The following ADAM10 variants were observed in gnomAD, a reference collection of about 807,000 sequenced individuals.
The protein encoded by ADAM10 is ADAM metallopeptidase domain 10.
Under a neutral mutation model 90.1 loss-of-function variants are expected in ADAM10, and 17 were observed. The observed-to-expected ratio is 0.19, with a 90% confidence interval of 0.13 to 0.28. The LOEUF (loss-of-function observed/expected upper bound fraction) is 0.28. Among genes scored for constraint, ADAM10 ranks in the 10% least tolerant of loss-of-function variants. ADAM10 has a pLI of 1.00. For synonymous variants in ADAM10, 310 were observed against 298.6 expected (o/e 1.04, Z -0.40); for missense variants, 610 against 914.3 (o/e 0.67, Z 4.29).
chr15:58,699,982 C>T (rs536489280), intron 2 of ADAM10, among the ~76,000 whole-genome samples: 1 of 152,024 alleles, frequency 6.6e-6, no homozygotes, highest in Non-Finnish European at 1.5e-5. Context: ...TAAAGACACA[C>T]ACAGACTGAA....
intron 1 of ADAM10, among the ~76,000 whole-genome samples, chr15:58,719,901 G>A (rs545530878): frequency 5.9e-5 from 9 of 152,106 alleles, no homozygotes; most frequent in Non-Finnish European, 1.2e-4. Context: ...TAATATTAGA[G>A]AGCCTACCAA....
intron 4 of ADAM10, among the ~76,000 whole-genome samples, chr15:58,675,750 G>A (rs1183200834): frequency 1.3e-5 from 2 of 152,140 alleles, no homozygotes; most frequent in African/African-American, 4.8e-5. Context: ...ATTCCCCAAG[G>A]TTCTGGAGAA....
chr15:58,644,394 T>A lies in ADAM10; in HGVS notation c.736-416A>T, dbSNP rs533565477. Among the ~76,000 whole-genome samples the A allele has an allele frequency of 2.6e-5, 4 of 152,160 alleles. No individual in the cohort carries two copies. In the South Asian group the frequency reaches 8.3e-4, roughly 32 times the overall value. ...ACAGGCGCCTACCACCATGCCCAGCTAATTTTTGTATTTTTAGTAAAGACA... is the reference window on the plus strand; with the variant it reads ...ACAGGCGCCTACCACCATGCCCAGCAAATTTTTGTATTTTTAGTAAAGACA... On this transcript the variant is annotated intron_variant, in intron 6 of 15. Transcript: ENST00000260408.
At chr15:58,623,974 G>C (rs1206326692) in intron 10 of ADAM10, among the ~76,000 whole-genome samples, 4 of 138,498 alleles carry the variant, frequency 2.9e-5, no homozygotes, top group Non-Finnish European at 6.1e-5. Context: ...GGAACTTAAA[G>C]TGAAATTTAA....
chr15:58,592,769 A>ATG lies in ADAM10; in HGVS notation c.*4777_*4778insCA, dbSNP rs1157834706. ...TCTGATTTAATATATATATATATAT[A>ATG]TATTAAATCGTGGTAGTATAACTTG... On this transcript the variant is annotated 3_prime_UTR_variant, in exon 16 of 16. Transcript: ENST00000260408. 501 of 150,138 alleles carry ATG rather than the reference A, an allele frequency of 3.3e-3. 3 individuals are homozygous for ATG. Among genetic ancestry groups the ATG allele is most frequent in the African/African-American group, 0.012 (483 of 41,190 alleles). 9.3% of individuals were successfully genotyped at this position (150,138 alleles called of 1,614,324 possible).
At chr15:58,726,500 G>A (rs1595660079) in intron 1 of ADAM10, among the ~76,000 whole-genome samples, 1 of 138,426 alleles carries the variant, frequency 7.2e-6, no homozygotes, top group East Asian at 2.4e-4. Flanking sequence ...AGGAGGCAGA[G>A]GTTGCAGTGA....
intron 1 of ADAM10, among the ~76,000 whole-genome samples, chr15:58,743,819 T>C (rs539458958): frequency 6.6e-6 from 1 of 152,324 alleles, no homozygotes; most frequent in Admixed American, 6.5e-5. Flanking sequence ...TTGGGCAGGC[T>C]TGTCTCGAAC....
intron 2 of ADAM10, among the ~76,000 whole-genome samples, chr15:58,715,893 G>A (rs546682619): frequency 2.6e-4 from 40 of 152,176 alleles, no homozygotes; most frequent in African/African-American, 8.7e-4. Flanking sequence ...TTTCCTTTTG[G>A]CAGTCAAACC....
At chr15:58,745,327 A>G (rs1420451211) in intron 1 of ADAM10, among the ~76,000 whole-genome samples, 1 of 152,220 alleles carries the variant, frequency 6.6e-6, no homozygotes, top group East Asian at 1.9e-4. Context: ...TCAAAAGCAG[A>G]GTTTATGTTT....
intron 2 of ADAM10, chr15:58,691,673 CTTCTTT>C: frequency 1.2e-5 from 3 of 256,926 alleles, no homozygotes; most frequent in East Asian, 1.2e-4. Context: ...GCCACTTCTT[CTTCTTT>C]TTTTTTTTTT....
intron 3 of ADAM10, among the ~76,000 whole-genome samples, chr15:58,680,845 G>A (rs1897413335): frequency 6.6e-6 from 1 of 152,042 alleles, no homozygotes. Context: ...AATAGACAGG[G>A]CCCCTCTCTG....
chr15:58,647,246 G>GTCTTTTTT (rs1323960397), intron 5 of ADAM10, among the ~76,000 whole-genome samples: 10 of 36,852 alleles, frequency 2.7e-4, no homozygotes, highest in African/African-American at 7.4e-4. Context: ...TAGACACTAA[G>GTCTTTTTT]TATTTTTTTT....
Position 58,590,882 on chromosome 15 carries a change from A to G in ADAM10, c.*6665T>C, listed in dbSNP as rs1364010436. 6.6e-6 allele frequency: 1 copy of G among 152,106 alleles called. No individual in the cohort carries two copies. Among genetic ancestry groups the G allele is most frequent in the African/African-American group, 2.4e-5 (1 of 41,404 alleles). 9.4% of individuals were successfully genotyped at this position (152,106 alleles called of 1,614,324 possible). On this transcript the variant is annotated 3_prime_UTR_variant, in exon 16 of 16. Transcript: ENST00000260408. The stretch of plus-strand genomic sequence containing the variant: ...CCACTTTTTATATAAGACAACCTAC[A>G]CTCTTATCAAATTATTCTCATTTTT...
chr15:58,688,864 T>C (rs1596070230), intron 2 of ADAM10, among the ~76,000 whole-genome samples: 1 of 128,302 alleles, frequency 7.8e-6, no homozygotes, highest in African/African-American at 3.1e-5. Flanking sequence ...GAAGACAGGG[T>C]AACAAAAACT....
intron 8 of ADAM10, among the ~76,000 whole-genome samples, chr15:58,636,571 G>A (rs1896259066): frequency 1.3e-5 from 2 of 152,060 alleles, no homozygotes; most frequent in East Asian, 3.9e-4. Flanking sequence ...CAATGAGAAG[G>A]GTGAAACGTT....
intron 2 of ADAM10, 96 bp from the exon 3 acceptor site, chr15:58,682,410 C>T: frequency 4.7e-6 from 7 of 1,499,918 alleles, no homozygotes; most frequent in Non-Finnish European, 5.3e-6. Context: ...AAAATGTGGA[C>T]TGTTATGAAA....
At chr15:58,689,234 C>T (rs1168678531) in intron 2 of ADAM10, among the ~76,000 whole-genome samples, 1 of 152,156 alleles carries the variant, frequency 6.6e-6, no homozygotes, top group African/African-American at 2.4e-5. Flanking sequence ...GCCTGTAATC[C>T]TAGCACTTTG....
chr15:58,740,396 G>C (rs1014417099), intron 1 of ADAM10, among the ~76,000 whole-genome samples: 1 of 148,288 alleles, frequency 6.7e-6, no homozygotes, highest in Admixed American at 6.7e-5. Context: ...GCATCAGCGC[G>C]AGACTCTGTC....
intron 11 of ADAM10, among the ~76,000 whole-genome samples, chr15:58,620,020 C>T (rs1895733893): frequency 6.6e-6 from 1 of 151,902 alleles, no homozygotes; most frequent in African/African-American, 2.4e-5. Flanking sequence ...TTGCCCTGTT[C>T]ACCTTTAGGA....
Sources: gnomAD v4.1 joint callset for allele counts (sites outside exome capture counted in the v4.1 genomes callset) on GRCh38, gnomAD v4.1.1 for gene constraint, MANE v1.5 for transcripts, NCBI Gene and HGNC (gene_info 2026-07-23, HGNC 2026-07-21) for gene names.